Variants in KDM4C observed in about 807,000 individuals in gnomAD.
KDM4C encodes the protein lysine-specific demethylase 4C.
KDM4C carries 81 observed loss-of-function variants against 129.3 expected under a neutral mutation model. The ratio of observed to expected loss-of-function variants is 0.63; its 90% CI spans 0.52 to 0.75. KDM4C has a LOEUF of 0.75. Ranked by LOEUF, KDM4C falls within the 30% of genes least tolerant of loss-of-function variation. The pLI is 0.00. For synonymous variants in KDM4C, 573 were observed against 456.1 expected, an observed-to-expected ratio of 1.26 and a Z score of -3.26; for missense variants, 1,457 against 1,304.0, an observed-to-expected ratio of 1.12 and a Z score of -1.81.
chr9:6,780,515 C>T (rs551911579), intron 1 of KDM4C, among the ~76,000 whole-genome samples: 2 of 151,724 alleles, frequency 1.3e-5, no homozygotes, highest in East Asian at 3.9e-4. Flanking sequence ...ACCTGTAATC[C>T]CAGCACTTTG....
At chr9:6,863,923 T>C (rs1263714858) in intron 5 of KDM4C, among the ~76,000 whole-genome samples, 2 of 151,774 alleles carry the variant, frequency 1.3e-5, no homozygotes, top group Admixed American at 1.3e-4. Context: ...TATTCATGAG[T>C]GATCCACCCC....
At chr9:7,145,628 G>C (rs539907138) in intron 19 of KDM4C, among the ~76,000 whole-genome samples, 10 of 152,360 alleles carry the variant, frequency 6.6e-5, no homozygotes, top group Admixed American at 4.6e-4. Flanking sequence ...AATTTTTGCT[G>C]CAATTGTTAG....
chr9:7,149,480 G>C (rs1005801989), intron 19 of KDM4C, among the ~76,000 whole-genome samples: 8 of 152,236 alleles, frequency 5.3e-5, no homozygotes, highest in African/African-American at 1.9e-4. Flanking sequence ...CGCCCTGCCA[G>C]CTCAGTAGGG....
chr9:7,151,956 G>A (rs1842771502), intron 19 of KDM4C, among the ~76,000 whole-genome samples: 1 of 152,216 alleles, frequency 6.6e-6, no homozygotes, highest in South Asian at 2.1e-4. Flanking sequence ...TACACAGAAT[G>A]TATAGTTTAG....
At chr9:6,964,781 CAAAAAAAAAA>C (rs369795659) in intron 8 of KDM4C, among the ~76,000 whole-genome samples, 3 of 53,856 alleles carry the variant, frequency 5.6e-5, no homozygotes, top group East Asian at 4.6e-4. Context: ...GACTCCGTCT[CAAAAAAAAAA>C]AAAAAAAAAA....
At chr9:6,983,028 T>A (rs1227727805) in intron 9 of KDM4C, among the ~76,000 whole-genome samples, 1 of 152,206 alleles carries the variant, frequency 6.6e-6, no homozygotes, top group Non-Finnish European at 1.5e-5. Flanking sequence ...TCAGCCTTCT[T>A]TTTTTCACAT....
At chr9:7,159,079 C>G (rs528660898) in intron 19 of KDM4C, among the ~76,000 whole-genome samples, 1 of 152,168 alleles carries the variant, frequency 6.6e-6, no homozygotes. Context: ...GAATTGATCC[C>G]TTTACCATTA....
Position 6,831,123 on chromosome 9 carries a change from C to G in KDM4C, c.435+16378C>G, listed in dbSNP as rs547147487. Among the ~76,000 whole-genome samples the G allele has an allele frequency of 3.3e-5, 5 of 152,230 alleles. No individual in the cohort carries two copies. The East Asian group carries it at 9.7e-4, about 29-fold the overall frequency. On this transcript the variant is annotated intron_variant, in intron 4 of 21. Coordinates refer to ENST00000381309, the MANE Select transcript of KDM4C (RefSeq NM_015061.6). ...TTATTTTTTTTCTTATTTTAATCCA[C>G]TAGTCAGTGGGGGAAGCGGGGATCT...
Position 6,986,725 on chromosome 9 carries a change from A to T in KDM4C, c.1677+59A>T, listed in dbSNP as rs946615964. 4.0e-6 allele frequency: 5 copies of T among 1,255,646 alleles called. No homozygotes were observed. In the South Asian group the frequency reaches 7.5e-5, roughly 19 times the overall value. The allele number at this position is 1,255,646 out of a possible 1,614,324, so 77.8% of individuals were successfully genotyped here. A position where few individuals can be genotyped will look rare whatever the true frequency, so the allele number is the denominator to read the frequency against. The stretch of plus-strand genomic sequence containing the variant: ...TTATATGGTGAGAGCACATTTTGAA[A>T]ACAACATGCTGTGCACTGAAATCCT... On this transcript the variant is annotated intron_variant, in intron 11 of 21. Transcript: ENST00000381309.
At chr9:7,141,900 T>A (rs939327204) in intron 19 of KDM4C, among the ~76,000 whole-genome samples, 1 of 152,168 alleles carries the variant, frequency 6.6e-6, no homozygotes, top group African/African-American at 2.4e-5. Context: ...AGAAGTGACG[T>A]GACCAGGCAC....
chr9:6,923,599 A>T (rs115102852), intron 8 of KDM4C, among the ~76,000 whole-genome samples: 1 of 152,376 alleles, frequency 6.6e-6, no homozygotes, highest in African/African-American at 2.4e-5. Flanking sequence ...ATCAAGAGAC[A>T]GAACATAGAA....
intron 17 of KDM4C, among the ~76,000 whole-genome samples, chr9:7,073,817 G>T (rs1346146622): frequency 6.6e-6 from 1 of 152,178 alleles, no homozygotes; most frequent in Admixed American, 6.5e-5. Flanking sequence ...TGTCAGATCT[G>T]TTGGAAAGCT....
At chr9:7,130,435 C>T (rs1009790613) in intron 19 of KDM4C, among the ~76,000 whole-genome samples, 1 of 152,188 alleles carries the variant, frequency 6.6e-6, no homozygotes, top group African/African-American at 2.4e-5. Context: ...TGACACCCTC[C>T]ATTTCCTTCC....
intron 8 of KDM4C, among the ~76,000 whole-genome samples, chr9:6,899,017 T>C (rs746106295): frequency 1.3e-5 from 2 of 152,078 alleles, no homozygotes; most frequent in Non-Finnish European, 2.9e-5. Context: ...ACATGACATA[T>C]ATAATATGAA....
Position 7,033,160 on chromosome 9 carries a change from T to A in KDM4C, c.2260-13702T>A, listed in dbSNP as rs75813691. On this transcript the variant is annotated intron_variant, in intron 15 of 21. Transcript: ENST00000381309. ...TATGCTGGATTTTTTTTTTTTTTTT[T>A]AATTCCACGGGATACTGTCAAGACC... Among the ~76,000 whole-genome samples the A allele has an allele frequency of 1.7e-3, 257 of 151,434 alleles. 3 individuals carry two copies. Among genetic ancestry groups the A allele is most frequent in the Middle Eastern group, 3.4e-3 (1 of 292 alleles).
At chr9:7,022,143 T>C (rs1824979813) in intron 15 of KDM4C, among the ~76,000 whole-genome samples, 1 of 152,198 alleles carries the variant, frequency 6.6e-6, no homozygotes, top group Admixed American at 6.5e-5. Flanking sequence ...TCTGGGTCTT[T>C]TGTGATTCCA....
intron 1 of KDM4C, among the ~76,000 whole-genome samples, chr9:6,760,785 G>T (rs1819312376): frequency 6.6e-6 from 1 of 151,344 alleles, no homozygotes; most frequent in Non-Finnish European, 1.5e-5. Flanking sequence ...TGTTAGCCAG[G>T]ATGGTCTCGA....
intron 4 of KDM4C, among the ~76,000 whole-genome samples, chr9:6,847,171 C>T (rs1837983890): frequency 6.6e-6 from 1 of 152,208 alleles, no homozygotes; most frequent in African/African-American, 2.4e-5. Flanking sequence ...TTTGCAAGCT[C>T]ATTCAGTTTA....
intron 11 of KDM4C, among the ~76,000 whole-genome samples, chr9:6,988,811 T>G (rs1187372913): frequency 6.6e-6 from 1 of 151,968 alleles, no homozygotes; most frequent in East Asian, 1.9e-4. Context: ...ATCATATGTA[T>G]GCACTCAAAG....
Sources: gnomAD v4.1 joint callset for allele counts (sites outside exome capture counted in the v4.1 genomes callset) on GRCh38, gnomAD v4.1.1 for gene constraint, MANE v1.5 for transcripts, NCBI Gene and HGNC (gene_info 2026-07-23, HGNC 2026-07-21) for gene names.